The following SOCS5 variants were observed in gnomAD, a reference collection of about 807,000 sequenced individuals.
SOCS5 encodes CIS-6.
A neutral mutation model predicts 42.8 loss-of-function variants in SOCS5; 32 were observed. The ratio of observed to expected loss-of-function variants is 0.75; its 90% confidence interval spans 0.56 to 1.01. The LOEUF (loss-of-function observed/expected upper bound fraction) is 1.01, where lower values mean the gene tolerates loss of function less well. Ranked by LOEUF, SOCS5 falls within the 50% of genes least tolerant of loss-of-function variation. The pLI is 0.00. For missense variants in SOCS5, 627 were observed against 653.0 expected (o/e 0.96, Z 0.43); for synonymous variants, 283 against 229.6 (o/e 1.23, Z -2.10).
At chr2:46,737,795 C>T (rs1673285557) in intron 1 of SOCS5, among the ~76,000 whole-genome samples, 1 of 151,912 alleles carries the variant, frequency 6.6e-6, no homozygotes, top group Non-Finnish European at 1.5e-5. Flanking sequence ...GTTACCTGAG[C>T]CAAGATCAAA....
At chr2:46,747,015 G>A (rs1433741762) in intron 1 of SOCS5, among the ~76,000 whole-genome samples, 1 of 137,540 alleles carries the variant, frequency 7.3e-6, no homozygotes, top group Non-Finnish European at 1.5e-5. Flanking sequence ...TATCAAGGTT[G>A]CTAGACAGAT....
At chr2:46,740,371 A>G (rs1406589695) in intron 1 of SOCS5, among the ~76,000 whole-genome samples, 1 of 152,250 alleles carries the variant, frequency 6.6e-6, no homozygotes, top group Admixed American at 6.5e-5. Flanking sequence ...ATTTGGTTAA[A>G]GAAATACAGC....
intron 1 of SOCS5, among the ~76,000 whole-genome samples, chr2:46,721,547 G>A (rs1051673284): frequency 1.3e-5 from 2 of 152,114 alleles, no homozygotes; most frequent in African/African-American, 4.8e-5. Flanking sequence ...TAGTGCTGTT[G>A]TCATTTAAAA....
Position 46,758,589 on chromosome 2 carries a change from G to A in SOCS5, c.59G>A (p.Gly20Asp). 1.2e-6 allele frequency: 2 copies of A among 1,613,352 alleles called. No individual in the cohort carries two copies. The highest frequency in any genetic ancestry group is 8.5e-7 in the Non-Finnish European group (1 of 1,179,574). ...NFKYRCQNLF[G>D]HEGGSRSENV... ...AAATACAGGTGTCAGAATCTCTTCG[G>A]TCATGAGGGAGGAAGCCGTAGTGAA... is the stretch of plus-strand genomic sequence containing the variant. Residue 20 changes from glycine (G) to aspartate (D), a missense_variant, in exon 2 of 2, where the codon GGT becomes GAT. Physicochemically the swap from Gly to Asp is moderately conservative, Grantham distance 94. This residue lies in a region of SOCS5 where 278 missense variants were observed against 246.3 expected (regional missense o/e 1.13). Transcript: ENST00000394861.
intron 1 of SOCS5, among the ~76,000 whole-genome samples, chr2:46,712,045 C>T (rs968152443): frequency 6.6e-6 from 1 of 152,024 alleles, no homozygotes; most frequent in Non-Finnish European, 1.5e-5. Context: ...ATTGTTTAGA[C>T]TTTTTTTAGG....
intron 1 of SOCS5, among the ~76,000 whole-genome samples, chr2:46,733,581 G>GAAAAAAAAAAAAAAAAA (rs78296105): frequency 2.2e-5 from 2 of 92,006 alleles, no homozygotes; most frequent in Non-Finnish European, 2.2e-5. Flanking sequence ...AAAAAAAAAA[G>GAAAAAAAAAAAAAAAAA]AAAAAAAAAA....
At chr2:46,715,176 C>G (rs544699963) in intron 1 of SOCS5, among the ~76,000 whole-genome samples, 138 of 151,932 alleles carry the variant, frequency 9.1e-4, no homozygotes, top group Non-Finnish European at 1.6e-3. Context: ...CAAGACCAGC[C>G]TGAGCAACAT....
At chr2:46,727,144 CTTTTT>C (rs759203329) in intron 1 of SOCS5, among the ~76,000 whole-genome samples, 5 of 86,408 alleles carry the variant, frequency 5.8e-5, no homozygotes, top group African/African-American at 1.4e-4. Context: ...TTGGAGCCTT[CTTTTT>C]TTTTTTTTTT....
At chr2:46,704,616 G>C (rs1304876793) in intron 1 of SOCS5, among the ~76,000 whole-genome samples, 1 of 152,190 alleles carries the variant, frequency 6.6e-6, no homozygotes, top group Non-Finnish European at 1.5e-5. Flanking sequence ...TTGCTTTTCG[G>C]TGGTGGTTCC....
At chr2:46,705,670 T>G (rs1440798690) in intron 1 of SOCS5, among the ~76,000 whole-genome samples, 2 of 152,254 alleles carry the variant, frequency 1.3e-5, no homozygotes, top group African/African-American at 4.8e-5. Flanking sequence ...CTCATTTATC[T>G]AATTATTTAG....
intron 1 of SOCS5, among the ~76,000 whole-genome samples, chr2:46,721,190 A>T (rs970422333): frequency 2.0e-5 from 3 of 152,134 alleles, no homozygotes; most frequent in Non-Finnish European, 4.4e-5. Flanking sequence ...AGAGATTTAT[A>T]TGGGAGACTT....
chr2:46,715,366 C>T (rs1672714398), intron 1 of SOCS5, among the ~76,000 whole-genome samples: 1 of 136,160 alleles, frequency 7.3e-6, no homozygotes, highest in African/African-American at 2.6e-5. Flanking sequence ...AGAGTAACAC[C>T]CTGTCAAAAA....
Position 46,759,281 on chromosome 2 carries a change from G to T in SOCS5, c.751G>T (p.Asp251Tyr). The change falls in exon 2 of 2, where the codon GAT becomes TAT. Residue 251 changes from aspartate to tyrosine, a missense_variant. Transcript: ENST00000394861. ...SPHSTFFDTF[D>Y]PSLVSTEDEE... ...ACATTCAACATTTTTTGATACATTT[G>T]ATCCATCTTTGGTTTCTACAGAAGA... 6.2e-7 allele frequency: 1 copy of T among 1,613,976 alleles called. No homozygotes were observed. Among genetic ancestry groups the T allele is most frequent in the Non-Finnish European group, 8.5e-7 (1 of 1,179,876 alleles).
At chr2:46,707,569 C>T (rs928812060) in intron 1 of SOCS5, among the ~76,000 whole-genome samples, 3 of 152,040 alleles carry the variant, frequency 2.0e-5, no homozygotes, top group Admixed American at 2.0e-4. Flanking sequence ...AGACTAGGAC[C>T]GAGGCAGGAG....
chr2:46,735,184 G>C lies in SOCS5; in HGVS notation c.-12-23335G>C, dbSNP rs531299841. On this transcript the variant is annotated intron_variant, in intron 1 of 1. Coordinates refer to ENST00000394861, the MANE Select transcript of SOCS5 (RefSeq NM_144949.3). ...TTCCTATCAAAGTTCAGAGTTTGCA[G>C]TGTAGGGCTAAAATGACAGCTCTGC... 2.0e-5 allele frequency among the ~76,000 whole-genome samples: 3 copies of C among 152,338 alleles called. No individual in the cohort carries two copies. In the South Asian group the frequency reaches 6.2e-4, roughly 32 times the overall value.
At chr2:46,733,764 C>G (rs1257426053) in intron 1 of SOCS5, among the ~76,000 whole-genome samples, 2 of 152,022 alleles carry the variant, frequency 1.3e-5, no homozygotes, top group African/African-American at 4.8e-5. Flanking sequence ...AGTATTTTCC[C>G]ACAGTGCTCC....
rs549857776 is a variant in SOCS5, at chr2:46,734,538, C to G, written c.-12-23981C>G. Among the ~76,000 whole-genome samples, 22 of 152,282 alleles carry G rather than the reference C, an allele frequency of 1.4e-4. No individual in the cohort carries two copies. The East Asian group carries it at 4.0e-3, about 28-fold the overall frequency. ...ATATTTGAATCCTTACTTAATCTAG[C>G]CATTACCGAAGTATACATTTATCCA... On this transcript the variant is annotated intron_variant, in intron 1 of 1. Coordinates refer to ENST00000394861, the MANE Select transcript of SOCS5 (RefSeq NM_144949.3).
chr2:46,758,654 G>A lies in SOCS5; in HGVS notation c.124G>A (p.Glu42Lys). The A allele has an allele frequency of 6.2e-7, 1 of 1,614,114 alleles. No individual in the cohort carries two copies. Among genetic ancestry groups the A allele is most frequent in the Non-Finnish European group, 8.5e-7 (1 of 1,179,976 alleles). ...MNSNRCLSVK[E>K]KNISIGDSTP... ...CTCCAACAGATGTTTGTCTGTCAAA[G>A]AGAAAAACATCAGCATAGGAGACTC... is the stretch of plus-strand genomic sequence containing the variant. Residue 42 changes from glutamate to lysine, a missense_variant, in exon 2 of 2, where the codon GAG becomes AAG. Physicochemically the swap from Glu to Lys is moderately conservative, Grantham distance 56. Coordinates refer to ENST00000394861, the MANE Select transcript of SOCS5 (RefSeq NM_144949.3).
chr2:46,739,324 G>A (rs1673318799), intron 1 of SOCS5, among the ~76,000 whole-genome samples: 1 of 152,186 alleles, frequency 6.6e-6, no homozygotes, highest in African/African-American at 2.4e-5. Flanking sequence ...TAATAGTCTT[G>A]TGTAGGGGTG....
Sources: gnomAD v4.1 joint callset for allele counts (sites outside exome capture counted in the v4.1 genomes callset) on GRCh38, gnomAD v4.1.1 for gene constraint, gnomAD v4.1.1 regional missense constraint, MANE v1.5 for transcripts, NCBI Gene and HGNC (gene_info 2026-07-23, HGNC 2026-07-21) for gene names.